The following PHF24 variants were observed in gnomAD, a reference collection of about 807,000 sequenced individuals.
The protein encoded by PHF24 is Galpha inhibitory interacting protein.
PHF24 carries 25 observed loss-of-function variants against 42.6 expected under a neutral mutation model. The observed-to-expected ratio is 0.59, with a 90% CI of 0.43 to 0.82. The LOEUF (loss-of-function observed/expected upper bound fraction) is 0.82, where lower values mean the gene tolerates loss of function less well. PHF24 is among the 40% of genes least tolerant of loss of function. PHF24 has a pLI of 0.00. For synonymous variants in PHF24, 185 were observed against 204.8 expected, an observed-to-expected ratio of 0.90 and a Z score of 0.83; for missense variants, 470 against 538.1, an observed-to-expected ratio of 0.87 and a Z score of 1.25.
chr9:34,760,439 G>T, the PHF24 span, among the ~76,000 whole-genome samples: 3 of 152,212 alleles, frequency 2.0e-5, no homozygotes, highest in African/African-American at 4.8e-5. Context: ...AGGTGCCGGG[G>T]ACAGAGGTGC....
the PHF24 span, chr9:34,917,407 G>T: frequency 1.3e-6 from 1 of 769,264 alleles, no homozygotes; most frequent in South Asian, 1.4e-5. Flanking sequence ...ACAGTGACAT[G>T]TATCTCGTTC....
chr9:34,846,726 G>A, the PHF24 span, among the ~76,000 whole-genome samples: 1 of 152,138 alleles, frequency 6.6e-6, no homozygotes. Flanking sequence ...GGTTTTTATG[G>A]TTTTAGGTCT....
chr9:34,750,447 G>A, the PHF24 span, among the ~76,000 whole-genome samples: 2 of 151,440 alleles, frequency 1.3e-5, no homozygotes, highest in East Asian at 1.9e-4. Context: ...CCAAGACTAC[G>A]CCACTGCACT....
intron 1 of PHF24, among the ~76,000 whole-genome samples, chr9:34,968,290 A>G (rs750186374): frequency 6.6e-6 from 1 of 152,180 alleles, no homozygotes; most frequent in Non-Finnish European, 1.5e-5. Flanking sequence ...CTTAATCACA[A>G]TTTTTTATGA....
the PHF24 span, among the ~76,000 whole-genome samples, chr9:34,861,824 A>C: frequency 6.6e-6 from 1 of 152,254 alleles, no homozygotes; most frequent in African/African-American, 2.4e-5. Context: ...TCATTGCCTC[A>C]GAGTATCTTC....
exon 8 of PHF24, chr9:34,978,465 C>G (rs897655076): frequency 1.7e-5 from 4 of 240,350 alleles, no homozygotes; most frequent in Admixed American, 9.8e-5. Context: ...ACCAAAGTCC[C>G]TTTGTGAAGC....
Position 34,970,899 on chromosome 9 carries a change from T to C in PHF24, c.-4-396T>C, listed in dbSNP as rs1826950159. Among the ~76,000 whole-genome samples the C allele has an allele frequency of 2.0e-5, 3 of 152,118 alleles. No individual in the cohort carries two copies. In the South Asian group the frequency reaches 6.2e-4, roughly 32 times the overall value. On this transcript the variant is annotated intron_variant, in intron 1 of 7. Transcript: ENST00000242315. The stretch of plus-strand genomic sequence containing the variant: ...CTTGTAACATCCCTGTGAAGTGGGC[T>C]GGGGAAATAGCCCTCATTCCATAGA...
At chr9:34,963,200 A>G (rs1826651748) in intron 1 of PHF24, among the ~76,000 whole-genome samples, 1 of 151,732 alleles carries the variant, frequency 6.6e-6, no homozygotes, top group African/African-American at 2.4e-5. Context: ...CTGGAGAACA[A>G]TCGGACCCCT....
the PHF24 span, among the ~76,000 whole-genome samples, chr9:34,669,159 C>T: frequency 6.6e-5 from 10 of 152,094 alleles, no homozygotes; most frequent in South Asian, 2.1e-4. Flanking sequence ...AGCTGTGCAC[C>T]GACCACCTTT....
At chr9:34,752,412 T>C in the PHF24 span, among the ~76,000 whole-genome samples, 8 of 152,218 alleles carry the variant, frequency 5.3e-5, no homozygotes, top group African/African-American at 1.9e-4. Context: ...GGGGCAACTA[T>C]ATGCCAATAA....
At chr9:34,841,818 C>A in the PHF24 span, among the ~76,000 whole-genome samples, 2 of 152,234 alleles carry the variant, frequency 1.3e-5, no homozygotes, top group Non-Finnish European at 2.9e-5. Flanking sequence ...GATTGCACCA[C>A]TGCTCTCCAA....
chr9:34,869,659 T>C, the PHF24 span, among the ~76,000 whole-genome samples: 8 of 152,248 alleles, frequency 5.3e-5, no homozygotes, highest in East Asian at 1.9e-4. Context: ...CACACACACA[T>C]ACACACTGCC....
chr9:34,867,293 A>G, the PHF24 span, among the ~76,000 whole-genome samples: 1 of 152,212 alleles, frequency 6.6e-6, no homozygotes. Context: ...ATTTAATGCA[A>G]TTATTACACC....
the PHF24 span, chr9:34,917,371 T>C: frequency 3.5e-4 from 274 of 781,768 alleles, no homozygotes; most frequent in African/African-American, 4.2e-3. Context: ...GATGGCTCTA[T>C]AGTACTTTAC....
chr9:34,784,652 CT>C, the PHF24 span, among the ~76,000 whole-genome samples: 1 of 152,168 alleles, frequency 6.6e-6, no homozygotes, highest in Non-Finnish European at 1.5e-5. Flanking sequence ...CACTGTCCTG[CT>C]TTTGTGCTCC....
chr9:34,716,313 T>C, the PHF24 span, among the ~76,000 whole-genome samples: 4 of 152,132 alleles, frequency 2.6e-5, no homozygotes, highest in Admixed American at 2.0e-4. Context: ...CCAAATTGGA[T>C]AGGGCTGGAA....
At chr9:34,692,463 C>T in the PHF24 span, among the ~76,000 whole-genome samples, 1 of 152,146 alleles carries the variant, frequency 6.6e-6, no homozygotes, top group Non-Finnish European at 1.5e-5. Flanking sequence ...ATGATTTGGA[C>T]CCAGGTGTGC....
the PHF24 span, among the ~76,000 whole-genome samples, chr9:34,807,530 C>G: frequency 6.6e-6 from 1 of 151,970 alleles, no homozygotes; most frequent in Non-Finnish European, 1.5e-5. Context: ...TTTAACAATC[C>G]AGAAAACAAG....
chr9:34,675,998 C>T, the PHF24 span, among the ~76,000 whole-genome samples: 3 of 152,076 alleles, frequency 2.0e-5, no homozygotes, highest in African/African-American at 7.2e-5. Context: ...TGATTAATCC[C>T]AATGTAGGTG....
Sources: gnomAD v4.1 joint callset for allele counts (sites outside exome capture counted in the v4.1 genomes callset) on GRCh38, gnomAD v4.1.1 for gene constraint, MANE v1.5 for transcripts, NCBI Gene and HGNC (gene_info 2026-07-23, HGNC 2026-07-21) for gene names.